The following SCLY variants were observed in gnomAD, a reference collection of about 807,000 sequenced individuals.
The protein encoded by SCLY is putative selenocysteine lyase.
A neutral mutation model predicts 50.1 loss-of-function variants in SCLY; 38 were observed. The observed-to-expected ratio is 0.76, with a 90% CI of 0.59 to 0.99. The LOEUF (loss-of-function observed/expected upper bound fraction) is 0.99, where lower values mean the gene tolerates loss of function less well. Among genes scored for constraint, SCLY ranks in the 50% least tolerant of loss-of-function variants. The pLI, the probability that SCLY is intolerant of heterozygous loss-of-function variation, is 0.00. For synonymous variants in SCLY, 243 were observed against 249.4 expected (o/e 0.97, Z 0.24); for missense variants, 600 against 620.0 (o/e 0.97, Z 0.34).
intron 7 of SCLY, among the ~76,000 whole-genome samples, chr2:238,087,179 G>A (rs2065307647): frequency 6.6e-6 from 1 of 151,298 alleles, no homozygotes; most frequent in African/African-American, 2.4e-5. Flanking sequence ...AAAAAAAATG[G>A]CTGGATGTGG....
At position 238,068,126 on chromosome 2, in the gene SCLY, G is replaced by T. The variant is rs1559242343; in HGVS notation, c.264G>T (p.Gly88=). ...ARESLAKMIG[G]KPQDIIFTSG... ...AAAGCCTCGCGAAGATGATAGGGGGGAAACCTCAAGATATAATCTTCACTT... is the reference window on the plus strand; with the variant it reads ...AAAGCCTCGCGAAGATGATAGGGGGTAAACCTCAAGATATAATCTTCACTT... The change falls in exon 3 of 12, where the codon GGG becomes GGT. Residue 88 remains glycine, a synonymous_variant. Transcript: ENST00000254663. 1 of 1,611,116 alleles carries T rather than the reference G, an allele frequency of 6.2e-7. No individual in the cohort carries two copies.
chr2:238,072,063 C>T (rs569359047), intron 4 of SCLY, among the ~76,000 whole-genome samples: 1 of 152,252 alleles, frequency 6.6e-6, no homozygotes, highest in East Asian at 1.9e-4. Flanking sequence ...ATCTTCATTT[C>T]CCTCAACTCT....
chr2:238,094,677 G>T, intron 10 of SCLY, 155 bp downstream of exon 10: 2 of 646,008 alleles, frequency 3.1e-6, no homozygotes, highest in Middle Eastern at 4.2e-4. Context: ...GAGCAGGCTC[G>T]GGTGGCTGTG....
chr2:238,080,606 G>A (rs1165978367), intron 4 of SCLY: 1 of 152,338 alleles, frequency 6.6e-6, no homozygotes, highest in Non-Finnish European at 1.5e-5. Context: ...TTGCTCCTCT[G>A]AGTTCCCTAG....
chr2:238,080,750 G>A (rs1576669812), intron 4 of SCLY: 2 of 152,388 alleles, frequency 1.3e-5, no homozygotes, highest in South Asian at 4.1e-4. Context: ...TTGGTGTACG[G>A]GAGCAGGGCG....
intron 5 of SCLY, 53 bp downstream of exon 5, chr2:238,081,889 C>A (rs2065241429): frequency 6.3e-7 from 1 of 1,596,182 alleles, no homozygotes; most frequent in East Asian, 2.2e-5. Context: ...AGAACAGCAG[C>A]TTAGACTCAT....
At chr2:238,064,554 G>A (rs1008077138) in intron 2 of SCLY, 85 bp downstream of exon 2, 8 of 799,170 alleles carry the variant, frequency 1.0e-5, no homozygotes, top group South Asian at 8.1e-5. Context: ...CACACGTGAC[G>A]GCTTTGTTTT....
chr2:238,061,017 G>C lies in SCLY; in HGVS notation c.-38G>C. 2.2e-6 allele frequency: 3 copies of C among 1,348,978 alleles called. No individual in the cohort carries two copies. Among genetic ancestry groups the C allele is most frequent in the East Asian group, 3.1e-5 (1 of 32,168 alleles). The allele number at this position is 1,348,978 out of a possible 1,614,324, so 83.6% of individuals were successfully genotyped here. ...GCGCTCTGGGCCCGTAGCGCTCCGC[G>C]GGAAGGAGGCTGGATGCCCGGCAGC... On this transcript the variant is annotated 5_prime_UTR_variant, in exon 1 of 12. Transcript: ENST00000254663.
Position 238,066,116 on chromosome 2 carries a change from A to G in SCLY, c.202+1647A>G, listed in dbSNP as rs1413791746. Among the ~76,000 whole-genome samples, 1 of 152,246 alleles carries G rather than the reference A, an allele frequency of 6.6e-6. No homozygotes were observed. Among genetic ancestry groups the G allele is most frequent in the Non-Finnish European group, 1.5e-5 (1 of 68,044 alleles). ...AACCCTGAAAATAAGCTCAGCATTCATGAATTTTTATGAAAAATAAACTAT... is the reference window on the plus strand; with the variant it reads ...AACCCTGAAAATAAGCTCAGCATTCGTGAATTTTTATGAAAAATAAACTAT... On this transcript the variant is annotated intron_variant, in intron 2 of 11. Transcript: ENST00000254663. This position sits in a 1 kb window ranked among gnomAD's most constrained non-coding sequence, Gnocchi z 4.1.
At chr2:238,073,973 A>G in intron 4 of SCLY, 1 of 285,930 alleles carries the variant, frequency 3.5e-6, no homozygotes, top group Non-Finnish European at 6.9e-6. Context: ...CGTTATCAGT[A>G]AGGCTTCTAG....
rs1553568663 is a variant in SCLY at position 238,098,661 on chromosome 2, A to AACGCCCACATG, written c.*306_*307insACGCCCACATG. On this transcript the variant is annotated 3_prime_UTR_variant, in exon 12 of 12. Transcript: ENST00000254663. Reference sequence around the variant, plus strand: ...ACCGCCCACATGGGACCGCCCACATAGAACCGTCCTCCAGTGGTGAAGCGG... The same window carrying AACGCCCACATG: ...ACCGCCCACATGGGACCGCCCACATAACGCCCACATGGAACCGTCCTCCAGTGGTGAAGCGG... 35 of 204,790 alleles carry AACGCCCACATG rather than the reference A, an allele frequency of 1.7e-4. No individual in the cohort carries two copies. The highest frequency in any genetic ancestry group is 1.4e-3 in the Middle Eastern group (1 of 718). The allele number at this position is 204,790 out of a possible 1,614,324, so 12.7% of individuals were successfully genotyped here.
At chr2:238,077,949 T>C (rs1398169908) in intron 4 of SCLY, among the ~76,000 whole-genome samples, 1 of 127,846 alleles carries the variant, frequency 7.8e-6, no homozygotes. Flanking sequence ...CTCCTGTAGA[T>C]TCTCTTTTTT....
intron 8 of SCLY, chr2:238,091,544 G>A: frequency 7.0e-5 from 29 of 413,554 alleles, no homozygotes; most frequent in South Asian, 1.8e-4. Flanking sequence ...CAAGCTGCAG[G>A]TTCACCATTC....
At position 238,068,053 on chromosome 2, in the gene SCLY, T is replaced by C. The variant is rs772446075; in HGVS notation, c.203-12T>C. 1 of 1,593,270 alleles carries C rather than the reference T, an allele frequency of 6.3e-7. No individual in the cohort carries two copies. Among genetic ancestry groups the C allele is most frequent in the South Asian group, 1.1e-5 (1 of 88,678 alleles). On this transcript the variant is annotated splice_polypyrimidine_tract_variant and intron_variant, in intron 2 of 11. Coordinates refer to ENST00000254663, the MANE Select transcript of SCLY (RefSeq NM_016510.7). ...AAGCAATGTTAATGAATTTCCTTTTTGGTCCCTCAAGGAAGAAAGGCCAAG... is the reference window on the plus strand; with the variant it reads ...AAGCAATGTTAATGAATTTCCTTTTCGGTCCCTCAAGGAAGAAAGGCCAAG...
chr2:238,095,804 A>T (rs2065425734), intron 10 of SCLY: 1 of 152,168 alleles, frequency 6.6e-6, no homozygotes, highest in Non-Finnish European at 1.5e-5. Flanking sequence ...GCTGTGGCGC[A>T]ATCACAGCCC....
In SCLY at chr2:238,077,970, T is replaced by TTTA. The variant is rs533989818; in HGVS notation, c.485-3739_485-3738insTTA. The stretch of plus-strand genomic sequence containing the variant: ...TAGATTCTCTTTTTTTTTTTTTTTT[T>TTTA]AGACGGAATCTCGCTCTGTTGCCCA... On this transcript the variant is annotated intron_variant, in intron 4 of 11. Coordinates refer to ENST00000254663, the MANE Select transcript of SCLY (RefSeq NM_016510.7). Among the ~76,000 whole-genome samples, 16 of 150,958 alleles carry TTTA rather than the reference T, an allele frequency of 1.1e-4. 1 individual carries two copies. The highest frequency in any genetic ancestry group is 2.1e-4 in the South Asian group (1 of 4,786).
chr2:238,091,523 A>T (rs929936735), intron 8 of SCLY: 8 of 429,860 alleles, frequency 1.9e-5, no homozygotes, highest in African/African-American at 1.2e-4. Flanking sequence ...GTTACAGCAG[A>T]GGTGAAGTGT....
intron 7 of SCLY, among the ~76,000 whole-genome samples, chr2:238,089,035 A>T (rs2065332488): frequency 6.6e-6 from 1 of 152,256 alleles, no homozygotes; most frequent in African/African-American, 2.4e-5. Flanking sequence ...AATGTACAAG[A>T]AAACTCCTAG....
chr2:238,094,015 T>C (rs1241404931), intron 9 of SCLY, 71 bp downstream of exon 9: 1 of 1,371,256 alleles, frequency 7.3e-7, no homozygotes, highest in Non-Finnish European at 1.0e-6. Context: ...AGGAGGGGTG[T>C]GGTGCTCCCA....
Sources: allele counts gnomAD v4.1 joint callset (sites outside exome capture counted in the v4.1 genomes callset), GRCh38; gene constraint gnomAD v4.1.1; non-coding constraint Gnocchi (gnomAD v3.1); transcripts MANE v1.5; gene names NCBI Gene and HGNC (gene_info 2026-07-23, HGNC 2026-07-21).